PTGR2: variants seen among roughly 807,000 people sequenced by gnomAD.
PTGR2 encodes 15-oxoprostaglandin 13-reductase.
Under a neutral mutation model 43.4 loss-of-function variants are expected in PTGR2, and 32 were observed. The ratio of observed to expected loss-of-function variants is 0.74; its 90% CI spans 0.56 to 0.99. The LOEUF is 0.99. PTGR2 is among the 50% of genes least tolerant of loss of function. PTGR2 has a pLI of 0.00. For synonymous variants in PTGR2, 106 were observed against 139.2 expected (o/e 0.76, Z 1.68); for missense variants, 373 against 420.0 (o/e 0.89, Z 0.98).
chr14:73,875,198 A>G (rs1247729568), intron 4 of PTGR2, among the ~76,000 whole-genome samples: 1 of 151,016 alleles, frequency 6.6e-6, no homozygotes, highest in Non-Finnish European at 1.5e-5. Flanking sequence ...GAGTCTTACC[A>G]TGTTGCCCAG....
intron 8 of PTGR2, 72 bp downstream of exon 8, chr14:73,881,364 T>A: frequency 1.2e-6 from 1 of 869,160 alleles, no homozygotes; most frequent in Non-Finnish European, 1.9e-6. Context: ...TTAAATGTAC[T>A]ATAGCAAACA....
At chr14:73,879,993 G>A in intron 6 of PTGR2, 62 bp from the exon 7 acceptor site, 1 of 1,560,130 alleles carries the variant, frequency 6.4e-7, no homozygotes, top group Non-Finnish European at 8.8e-7. Flanking sequence ...CTTCCATTAT[G>A]GCAGCCATAA....
intron 7 of PTGR2, 25 bp from the exon 8 acceptor site, chr14:73,881,180 A>G: frequency 1.4e-6 from 2 of 1,383,784 alleles, no homozygotes; most frequent in Non-Finnish European, 2.1e-6. Flanking sequence ...TTCTCTGATC[A>G]TTATCCTTTT....
intron 1 of PTGR2, among the ~76,000 whole-genome samples, chr14:73,853,130 AC>A (rs1195584703): frequency 1.3e-5 from 2 of 152,038 alleles, no homozygotes; most frequent in African/African-American, 4.8e-5. Flanking sequence ...CCAGAAAGAT[AC>A]GTTTTATAAC....
Position 73,879,090 on chromosome 14 carries a change from C to T in PTGR2, c.520-6C>T, listed in dbSNP as rs1324128863. ...AAGCCATTTAATCTTCAAATTTCCCCCCTAGATTGGCCATTTCTTAGGTTG... is the reference window on the plus strand; with the variant it reads ...AAGCCATTTAATCTTCAAATTTCCCTCCTAGATTGGCCATTTCTTAGGTTG... On this transcript the variant is annotated splice_polypyrimidine_tract_variant and splice_region_variant and intron_variant, in intron 5 of 9. Transcript: ENST00000555661. 3 of 1,612,358 alleles carry T rather than the reference C, an allele frequency of 1.9e-6. No individual in the cohort carries two copies. Among genetic ancestry groups the T allele is most frequent in the Non-Finnish European group, 1.7e-6 (2 of 1,178,904 alleles).
intron 9 of PTGR2, among the ~76,000 whole-genome samples, chr14:73,883,442 C>T (rs1337517213): frequency 1.3e-5 from 2 of 151,380 alleles, no homozygotes; most frequent in Non-Finnish European, 2.9e-5. Flanking sequence ...GATCCTTCTG[C>T]CTCAGCCTCC....
In PTGR2 at chr14:73,858,883, A is replaced by G. The variant is rs1466519555; in HGVS notation, c.21A>G (p.Val7=). The G allele has an allele frequency of 2.5e-6, 4 of 1,611,832 alleles. No individual in the cohort carries two copies. Among genetic ancestry groups the G allele is most frequent in the Non-Finnish European group, 3.4e-6 (4 of 1,178,624 alleles). The change falls in exon 2 of 10, where the codon GTA becomes GTG. Residue 7 remains valine (V), a synonymous_variant. Transcript: ENST00000555661. The part of the protein sequence containing the change: MIVQRV[V]LNSRPGKNGN... ...GAGCAATGATTGTTCAAAGAGTGGT[A>G]TTGAATTCTCGACCTGGTATGTATT...
intron 1 of PTGR2, among the ~76,000 whole-genome samples, chr14:73,855,716 G>A (rs1004516256): frequency 1.3e-5 from 2 of 151,218 alleles, no homozygotes; most frequent in Non-Finnish European, 3.0e-5. Context: ...AAAGTGCTGG[G>A]ATTACAGGCA....
intron 1 of PTGR2, among the ~76,000 whole-genome samples, chr14:73,855,590 C>T (rs532992818): frequency 1.9e-4 from 29 of 151,708 alleles, no homozygotes; most frequent in South Asian, 4.2e-4. Flanking sequence ...GGATTACAGG[C>T]GTGCACCACC....
At position 73,880,089 on chromosome 14, in the gene PTGR2, A is replaced by G; in HGVS notation, c.764A>G (p.Gln255Arg). ...AACAGCCACATCATCCTGTGTGGTC[A>G]AATTTCTCAGTACAACAAAGATGTG... ...NENSHIILCGQISQYNKDVPY... is the reference protein window; with the variant it reads ...NENSHIILCGRISQYNKDVPY... The change falls in exon 7 of 10, where the codon CAA (glutamine) becomes CGA (arginine). Residue 255 changes from glutamine (Q) to arginine (R), a missense_variant. By Grantham distance (43) the Gln-to-Arg change is conservative (BLOSUM62 1). Transcript: ENST00000555661. The G allele has an allele frequency of 1.2e-6, 2 of 1,613,844 alleles. No individual in the cohort carries two copies. The highest frequency in any genetic ancestry group is 1.7e-6 in the Non-Finnish European group (2 of 1,179,754).
At position 73,884,809 on chromosome 14, in the gene PTGR2, T is replaced by C. The variant is rs897654578; in HGVS notation, c.*632T>C. The C allele has an allele frequency of 6.6e-6, 1 of 152,052 alleles. No homozygotes were observed. Among genetic ancestry groups the C allele is most frequent in the African/African-American group, 2.4e-5 (1 of 41,372 alleles). 9.4% of individuals were successfully genotyped at this position (152,052 alleles called of 1,614,324 possible). ...AGTATGGGAAGATAAATAACTTAGGTTGGTTAAGTTGACAAGATTTACTCC... is the reference window on the plus strand; with the variant it reads ...AGTATGGGAAGATAAATAACTTAGGCTGGTTAAGTTGACAAGATTTACTCC... On this transcript the variant is annotated 3_prime_UTR_variant, in exon 10 of 10. Coordinates refer to ENST00000555661, the MANE Select transcript of PTGR2 (RefSeq NM_001146154.2).
At chr14:73,873,945 T>C (rs1007887091) in intron 3 of PTGR2, 78 bp from the exon 4 acceptor site, 1 of 1,094,402 alleles carries the variant, frequency 9.1e-7, no homozygotes, top group African/African-American at 1.6e-5. Context: ...ACTCATTATA[T>C]GCTTTTAGTC....
At chr14:73,865,339 G>T (rs1183923529) in intron 3 of PTGR2, among the ~76,000 whole-genome samples, 1 of 152,106 alleles carries the variant, frequency 6.6e-6, no homozygotes, top group African/African-American at 2.4e-5. Context: ...GGAGAAGAAG[G>T]GTGTCCTGCT....
At position 73,874,569 on chromosome 14, in the gene PTGR2, G is replaced by GT. The variant is rs1292927250; in HGVS notation, c.348+358dup. Reference sequence around the variant, plus strand: ...GTGTTCTTTATTTGTTTCTTTGCTTGTTTGTTTGTTTTAGAGATGGGTTGT... The same window carrying GT: ...GTGTTCTTTATTTGTTTCTTTGCTTGTTTTGTTTGTTTTAGAGATGGGTTGT... On this transcript the variant is annotated intron_variant, in intron 4 of 9. Coordinates refer to ENST00000555661, the MANE Select transcript of PTGR2 (RefSeq NM_001146154.2). 1.7e-5 allele frequency: 8 copies of GT among 458,646 alleles called. No individual in the cohort carries two copies. In the Admixed American group the frequency reaches 1.9e-4, roughly 11 times the overall value. 28.4% of individuals were successfully genotyped at this position (458,646 alleles called of 1,614,324 possible). A position where few individuals can be genotyped will look rare whatever the true frequency, so the allele number is the denominator to read the frequency against.
intron 3 of PTGR2, among the ~76,000 whole-genome samples, chr14:73,863,059 T>G (rs2054530169): frequency 6.6e-6 from 1 of 152,202 alleles, no homozygotes; most frequent in Non-Finnish European, 1.5e-5. Context: ...CTATACAATT[T>G]ACTCACTTAA....
chr14:73,878,878 A>G (rs1295099336), intron 5 of PTGR2: 1 of 523,142 alleles, frequency 1.9e-6, no homozygotes, highest in Non-Finnish European at 3.4e-6. Flanking sequence ...GTTGAGGAAC[A>G]TAAGTCTACC....
At chr14:73,871,341 CTTTTT>C (rs869073652) in intron 3 of PTGR2, among the ~76,000 whole-genome samples, 23,957 of 67,894 alleles carry the variant, frequency 0.35, 2,535 homozygotes, top group Non-Finnish European at 0.42. Flanking sequence ...GGCTGTTCAT[CTTTTT>C]TTTTTTTTTT....
intron 7 of PTGR2, 48 bp downstream of exon 7, chr14:73,880,224 A>T: frequency 1.3e-6 from 2 of 1,596,136 alleles, no homozygotes; most frequent in Non-Finnish European, 1.7e-6. Context: ...GGGGTTTTAA[A>T]TATCATAGAT....
chr14:73,879,019 A>G, intron 5 of PTGR2, 77 bp from the exon 6 acceptor site: 1 of 1,167,630 alleles, frequency 8.6e-7, no homozygotes, highest in Non-Finnish European at 1.3e-6. Flanking sequence ...TATACCTGTA[A>G]TATCTTGTAT....
Sources: gnomAD v4.1 joint callset for allele counts (sites outside exome capture counted in the v4.1 genomes callset) on GRCh38, gnomAD v4.1.1 for gene constraint, MANE v1.5 for transcripts, NCBI Gene and HGNC (gene_info 2026-07-23, HGNC 2026-07-21) for gene names.